The following DYNC2H1 variants were observed in gnomAD, a reference collection of about 807,000 sequenced individuals.
The protein encoded by DYNC2H1 is cytoplasmic dynein 2 heavy chain 1.
A neutral mutation model predicts 570.0 loss-of-function variants in DYNC2H1; 410 were observed. That is an observed-to-expected ratio of 0.72 (90% CI 0.66 to 0.78). The LOEUF (loss-of-function observed/expected upper bound fraction) is 0.78, where lower values mean the gene tolerates loss of function less well. Among genes scored for constraint, DYNC2H1 ranks in the 30% least tolerant of loss-of-function variants. DYNC2H1 has a pLI of 0.00. For synonymous variants in DYNC2H1, 1,688 were observed against 1,677.6 expected (o/e 1.01, Z -0.15); for missense variants, 4,865 against 5,046.4 (o/e 0.96, Z 1.09).
intron 78 of DYNC2H1, among the ~76,000 whole-genome samples, chr11:103,309,166 C>CTTTT (rs1274431520): frequency 3.2e-4 from 18 of 56,534 alleles, no homozygotes; most frequent in Admixed American, 6.7e-4. Context: ...TAACTGCATG[C>CTTTT]TATTTTTTTT....
rs759952846 is a variant in DYNC2H1, at chr11:103,113,719, A to G, written c.366+12A>G. The G allele has an allele frequency of 2.0e-5, 30 of 1,493,388 alleles. 1 individual carries two copies. Among genetic ancestry groups the G allele is most frequent in the Non-Finnish European group, 2.7e-5 (30 of 1,128,688 alleles). 92.5% of individuals were successfully genotyped at this position (1,493,388 alleles called of 1,614,324 possible). ...CAATGTTGTTAAAGGTGAGAAAAGA[A>G]GCTGTCATTTTTTTTAACTGAGGTA... On this transcript the variant is annotated intron_variant, in intron 2 of 88. Coordinates refer to ENST00000375735, the MANE Select transcript of DYNC2H1 (RefSeq NM_001377.3).
At chr11:103,290,181 C>G (rs773980934) in intron 75 of DYNC2H1, among the ~76,000 whole-genome samples, 1 of 151,258 alleles carries the variant, frequency 6.6e-6, no homozygotes, top group Non-Finnish European at 1.5e-5. Context: ...TTCAACATAT[C>G]TTTTTTTTTG....
At chr11:103,138,525 G>T (rs1181308124) in intron 17 of DYNC2H1, among the ~76,000 whole-genome samples, 2 of 152,142 alleles carry the variant, frequency 1.3e-5, no homozygotes, top group African/African-American at 4.8e-5. Context: ...TTATTGATTT[G>T]TGTATATTGA....
chr11:103,266,859 G>GT, intron 70 of DYNC2H1, among the ~76,000 whole-genome samples: 1 of 152,314 alleles, frequency 6.6e-6, no homozygotes, highest in South Asian at 2.1e-4. Context: ...GGGTGCTCAG[G>GT]TTAAAACAGC....
chr11:103,322,244 G>T (rs1485654650), intron 81 of DYNC2H1, among the ~76,000 whole-genome samples: 2 of 152,072 alleles, frequency 1.3e-5, no homozygotes, highest in African/African-American at 4.8e-5. Context: ...AATAAATAGA[G>T]AATATCGCAT....
Position 103,109,681 on chromosome 11 carries a change from G to C in DYNC2H1, c.107G>C (p.Cys36Ser), listed in dbSNP as rs1335227056. 1 of 1,613,858 alleles carries C rather than the reference G, an allele frequency of 6.2e-7. No homozygotes were observed. Among genetic ancestry groups the C allele is most frequent in the Non-Finnish European group, 8.5e-7 (1 of 1,179,902 alleles). Residue 36 changes from cysteine to serine, a missense_variant, in exon 1 of 89, where the codon TGT becomes TCT. By Grantham distance (112) the Cys-to-Ser change is moderately radical (BLOSUM62 -1). Around this residue, in one of 5 missense-constraint regions of DYNC2H1, gnomAD observed 1,936 missense variants for 1,962.1 expected, o/e 0.99. Coordinates refer to ENST00000375735, the MANE Select transcript of DYNC2H1 (RefSeq NM_001377.3). ...TGGGATCAGCCACTGTTGTGCAACT[G>C]TCTTGAAATCAACAACTTCTTGGAT... is the stretch of plus-strand genomic sequence containing the variant. Reference protein sequence around the residue: ...ELWDQPLLCNCLEINNFLDDG... With the variant: ...ELWDQPLLCNSLEINNFLDDG...
At chr11:103,327,324 C>G (rs1395458316) in intron 82 of DYNC2H1, among the ~76,000 whole-genome samples, 1 of 152,012 alleles carries the variant, frequency 6.6e-6, no homozygotes, top group African/African-American at 2.4e-5. Context: ...TCAAGTTCTA[C>G]CCAAATACAT....
intron 82 of DYNC2H1, among the ~76,000 whole-genome samples, chr11:103,354,966 T>C (rs1363821997): frequency 2.0e-5 from 3 of 152,122 alleles, no homozygotes; most frequent in Non-Finnish European, 4.4e-5. Context: ...AAAAATTGCC[T>C]CTGTCTCCTT....
rs1457884362 is a variant in DYNC2H1, at chr11:103,177,344, T to C, written c.5875-212T>C. Among the ~76,000 whole-genome samples the C allele has an allele frequency of 6.6e-6, 1 of 152,180 alleles. No homozygotes were observed. The highest frequency in any genetic ancestry group is 1.5e-5 in the Non-Finnish European group (1 of 68,030). On this transcript the variant is annotated intron_variant, in intron 37 of 88. Coordinates refer to ENST00000375735, the MANE Select transcript of DYNC2H1 (RefSeq NM_001377.3). This position sits in a 1 kb window ranked among gnomAD's most constrained non-coding sequence, Gnocchi z 4.4. Reference sequence around the variant, plus strand: ...AACTTGGAAACCTGGAAAGCACCTTTGTTTCTTTTAAAGAAATATTGAAGT... The same window carrying C: ...AACTTGGAAACCTGGAAAGCACCTTCGTTTCTTTTAAAGAAATATTGAAGT...
At chr11:103,412,400 T>C (rs560507834) in intron 84 of DYNC2H1, among the ~76,000 whole-genome samples, 1 of 152,304 alleles carries the variant, frequency 6.6e-6, no homozygotes, top group African/African-American at 2.4e-5. Flanking sequence ...AAAATAGTTA[T>C]CTTCTACATG....
chr11:103,284,658 A>C (rs1866276681), intron 73 of DYNC2H1, among the ~76,000 whole-genome samples: 1 of 152,212 alleles, frequency 6.6e-6, no homozygotes, highest in Non-Finnish European at 1.5e-5. Flanking sequence ...TTAAATTGAA[A>C]TGTAATTTAT....
At chr11:103,144,717 G>A (rs1419689018) in intron 18 of DYNC2H1, among the ~76,000 whole-genome samples, 1 of 152,078 alleles carries the variant, frequency 6.6e-6, no homozygotes, top group African/African-American at 2.4e-5. Flanking sequence ...TTCATTTTGG[G>A]ATGATTAGCT....
intron 84 of DYNC2H1, among the ~76,000 whole-genome samples, chr11:103,410,349 A>G (rs1943031233): frequency 6.6e-6 from 1 of 151,936 alleles, no homozygotes; most frequent in South Asian, 2.1e-4. Flanking sequence ...AATGTAGCCC[A>G]TTTCTTCCCA....
Position 103,167,215 on chromosome 11 carries a change from C to T in DYNC2H1, c.4762+1167C>T, listed in dbSNP as rs373168877. Among the ~76,000 whole-genome samples the T allele has an allele frequency of 6.0e-5, 9 of 151,194 alleles. No individual in the cohort carries two copies. The South Asian group carries it at 1.9e-3, about 32-fold the overall frequency. On this transcript the variant is annotated intron_variant, in intron 31 of 88. Coordinates refer to ENST00000375735, the MANE Select transcript of DYNC2H1 (RefSeq NM_001377.3). ...TTCCACTTGTTTCAAAAGTCTTCACCTTTTACTTCTTGTACTTCTTAGAGC... is the reference window on the plus strand; with the variant it reads ...TTCCACTTGTTTCAAAAGTCTTCACTTTTTACTTCTTGTACTTCTTAGAGC...
chr11:103,375,430 TA>T (rs1319219136), intron 83 of DYNC2H1, among the ~76,000 whole-genome samples: 1 of 152,066 alleles, frequency 6.6e-6, no homozygotes, highest in Non-Finnish European at 1.5e-5. Context: ...CCCAGAATGG[TA>T]GATCCACCAA....
chr11:103,288,684 TAAAAA>T (rs57040929), intron 75 of DYNC2H1, among the ~76,000 whole-genome samples: 23 of 27,914 alleles, frequency 8.2e-4, no homozygotes, highest in Admixed American at 6.4e-3. Flanking sequence ...CCGTCTCTAC[TAAAAA>T]AAAAAAAAAA....
At chr11:103,306,065 C>T (rs1867269857) in intron 77 of DYNC2H1, among the ~76,000 whole-genome samples, 1 of 152,018 alleles carries the variant, frequency 6.6e-6, no homozygotes, top group African/African-American at 2.4e-5. Flanking sequence ...GCATGCATCA[C>T]CATGCCTGGC....
chr11:103,286,477 T>A (rs557388442), intron 74 of DYNC2H1, 91 bp downstream of exon 74: 2 of 1,454,022 alleles, frequency 1.4e-6, no homozygotes, highest in East Asian at 2.3e-5. Flanking sequence ...GCTTTTAGAG[T>A]GTTACTTTAC....
rs1376974017 is a variant in DYNC2H1, at chr11:103,228,011, A to T, written c.9354-3249A>T. Among the ~76,000 whole-genome samples, 2 of 152,050 alleles carry T rather than the reference A, an allele frequency of 1.3e-5. No homozygotes were observed. Among genetic ancestry groups the T allele is most frequent in the African/African-American group, 4.8e-5 (2 of 41,382 alleles). On this transcript the variant is annotated intron_variant, in intron 59 of 88. Coordinates refer to ENST00000375735, the MANE Select transcript of DYNC2H1 (RefSeq NM_001377.3). The surrounding 1 kb of genome is among the most constrained non-coding windows in gnomAD (Gnocchi z 6.1). Reference sequence around the variant, plus strand: ...GATATAAGAATAGCTACTCTTGCTTACTTTTGGTGTCCATTTGCATGGAAT... The same window carrying T: ...GATATAAGAATAGCTACTCTTGCTTTCTTTTGGTGTCCATTTGCATGGAAT...
Sources: allele counts gnomAD v4.1 joint callset (sites outside exome capture counted in the v4.1 genomes callset), GRCh38; gene constraint gnomAD v4.1.1; regional missense constraint gnomAD v4.1.1; non-coding constraint Gnocchi (gnomAD v3.1); transcripts MANE v1.5; gene names NCBI Gene and HGNC (gene_info 2026-07-23, HGNC 2026-07-21).